The following MCC variants were observed in gnomAD, a reference collection of about 807,000 sequenced individuals.
MCC encodes MCC regulator of Wnt signaling pathway, also known as colorectal mutant cancer protein.
In MCC, 90 loss-of-function variants were observed where a neutral mutation model predicts 116.2. That is an observed-to-expected ratio of 0.77 (90% CI 0.65 to 0.92). MCC has a LOEUF of 0.92. MCC is among the 40% of genes least tolerant of loss of function. MCC has a pLI of 0.00. For synonymous variants in MCC, 578 were observed against 510.5 expected, an observed-to-expected ratio of 1.13 and a Z score of -1.78; for missense variants, 1,516 against 1,312.2, an observed-to-expected ratio of 1.16 and a Z score of -2.40.
rs1770803435 is a variant in MCC at position 113,434,906 on chromosome 5, G to A, written c.171-49694C>T. On this transcript the variant is annotated intron_variant, in intron 1 of 18. Transcript: ENST00000408903. The surrounding 1 kb of genome is among the most constrained non-coding windows in gnomAD (Gnocchi z 4.2). ...GCCCCGAGGCGCATGGGCCAGCAGT[G>A]TGCTCATTTACATCCTGGATAGAGA... 2.0e-6 allele frequency: 3 copies of A among 1,533,950 alleles called. No homozygotes were observed. The highest frequency in any genetic ancestry group is 1.4e-5 in the African/African-American group (1 of 72,402).
intron 13 of MCC, among the ~76,000 whole-genome samples, chr5:113,065,017 A>G (rs1273568963): frequency 1.3e-5 from 2 of 152,170 alleles, no homozygotes; most frequent in African/African-American, 2.4e-5. Flanking sequence ...CAACAGCAAC[A>G]GCAATGGTTG....
intron 3 of MCC, among the ~76,000 whole-genome samples, chr5:113,282,320 C>T (rs1176631774): frequency 6.6e-6 from 1 of 152,144 alleles, no homozygotes; most frequent in African/African-American, 2.4e-5. Flanking sequence ...GACGCTCCAT[C>T]TTTGACACTC....
intron 18 of MCC, 111 bp from the exon 19 acceptor site, chr5:113,027,593 C>G: frequency 5.2e-6 from 5 of 957,118 alleles, no homozygotes; most frequent in Non-Finnish European, 8.0e-6. Flanking sequence ...GAAGAAAGAT[C>G]ACTCATCCTC....
intron 3 of MCC, among the ~76,000 whole-genome samples, chr5:113,168,264 C>T (rs1328264689): frequency 1.3e-5 from 2 of 152,168 alleles, no homozygotes; most frequent in Non-Finnish European, 2.9e-5. Context: ...ATAAAGAATT[C>T]ATAACTTACA....
chr5:113,104,878 T>A (rs1756641149), intron 6 of MCC, among the ~76,000 whole-genome samples: 1 of 152,242 alleles, frequency 6.6e-6, no homozygotes, highest in Non-Finnish European at 1.5e-5. Context: ...ACTGTTGCAA[T>A]TTAATCCATG....
intron 6 of MCC, among the ~76,000 whole-genome samples, chr5:113,113,504 CCT>C (rs1324365820): frequency 1.3e-5 from 2 of 152,060 alleles, no homozygotes; most frequent in Admixed American, 1.3e-4. Flanking sequence ...TCCCATGTTG[CCT>C]CTGTCTACCT....
At chr5:113,397,426 G>A (rs1197625592) in intron 1 of MCC, among the ~76,000 whole-genome samples, 1 of 151,506 alleles carries the variant, frequency 6.6e-6, no homozygotes, top group Non-Finnish European at 1.5e-5. Flanking sequence ...TTTTGGTTGT[G>A]GTTACCAACT....
chr5:113,394,843 C>T (rs1418891122), intron 1 of MCC, among the ~76,000 whole-genome samples: 2 of 152,160 alleles, frequency 1.3e-5, no homozygotes, highest in Non-Finnish European at 2.9e-5. Context: ...CAAGTAAGAC[C>T]TGCAGCCAAA....
In MCC at chr5:113,377,167, A is replaced by C. The variant is rs561994422; in HGVS notation, c.415+7801T>G. Among the ~76,000 whole-genome samples the C allele has an allele frequency of 1.2e-4, 18 of 152,286 alleles. No individual in the cohort carries two copies. In the South Asian group the frequency reaches 3.5e-3, roughly 30 times the overall value. ...GCCTAGGCTTCTCCAATATGGTCAC[A>C]TTTGCATTCTCTCTCACCACCTCCC... On this transcript the variant is annotated intron_variant, in intron 2 of 18. Transcript: ENST00000408903.
At chr5:113,317,619 T>C (rs533478539) in intron 3 of MCC, among the ~76,000 whole-genome samples, 7 of 152,128 alleles carry the variant, frequency 4.6e-5, no homozygotes, top group Non-Finnish European at 8.8e-5. Flanking sequence ...TCATGATGTA[T>C]GACACGGATA....
intron 2 of MCC, among the ~76,000 whole-genome samples, chr5:113,349,489 C>T (rs1768215173): frequency 6.6e-6 from 1 of 151,994 alleles, no homozygotes; most frequent in African/African-American, 2.4e-5. Flanking sequence ...TGGTAAAATT[C>T]AATATCCCTT....
chr5:113,344,104 G>C (rs538767702), intron 2 of MCC, among the ~76,000 whole-genome samples: 47 of 152,302 alleles, frequency 3.1e-4, no homozygotes, highest in Admixed American at 1.8e-3. Flanking sequence ...GTACCATGGA[G>C]AATCTGTGCT....
At chr5:113,420,025 T>A (rs1157392523) in intron 1 of MCC, among the ~76,000 whole-genome samples, 3 of 145,950 alleles carry the variant, frequency 2.1e-5, no homozygotes, top group Admixed American at 6.8e-5. Context: ...AGTATAATAA[T>A]AAAATAAAAT....
chr5:113,377,365 T>C (rs1165975675), intron 2 of MCC, among the ~76,000 whole-genome samples: 3 of 151,930 alleles, frequency 2.0e-5, no homozygotes, highest in East Asian at 1.9e-4. Flanking sequence ...GTGGGAAACA[T>C]GATGTGATAT....
intron 1 of MCC, among the ~76,000 whole-genome samples, chr5:113,456,157 C>T (rs1771540972): frequency 6.6e-6 from 1 of 152,178 alleles, no homozygotes; most frequent in Non-Finnish European, 1.5e-5. Flanking sequence ...CCCAGGCACA[C>T]CACCTCAGGA....
intron 1 of MCC, among the ~76,000 whole-genome samples, chr5:113,443,662 T>C (rs1771115447): frequency 6.6e-6 from 1 of 152,198 alleles, no homozygotes; most frequent in South Asian, 2.1e-4. Flanking sequence ...TATTTTGAGA[T>C]ACATTCCATT....
At chr5:113,082,036 C>T (rs934528740) in intron 11 of MCC, among the ~76,000 whole-genome samples, 2 of 152,254 alleles carry the variant, frequency 1.3e-5, no homozygotes, top group East Asian at 1.9e-4. Flanking sequence ...TCTGCCACTG[C>T]AGAACCAATT....
intron 3 of MCC, among the ~76,000 whole-genome samples, chr5:113,233,908 G>T (rs565957717): frequency 9.4e-4 from 143 of 152,270 alleles, no homozygotes; most frequent in African/African-American, 3.3e-3. Flanking sequence ...AAATGGAAAA[G>T]AACTCATAGG....
intron 3 of MCC, among the ~76,000 whole-genome samples, chr5:113,236,995 A>G (rs184188670): frequency 6.6e-6 from 1 of 152,230 alleles, no homozygotes; most frequent in African/African-American, 2.4e-5. Context: ...CACTCTGTCA[A>G]GTTGAAAAAA....
Sources: allele counts gnomAD v4.1 joint callset (sites outside exome capture counted in the v4.1 genomes callset), GRCh38; gene constraint gnomAD v4.1.1; non-coding constraint Gnocchi (gnomAD v3.1); transcripts MANE v1.5; gene names NCBI Gene and HGNC (gene_info 2026-07-23, HGNC 2026-07-21).